The following TNNI3K variants were observed in gnomAD, a reference collection of about 807,000 sequenced individuals.
The protein encoded by TNNI3K is TNNI3 interacting kinase.
TNNI3K carries 140 observed loss-of-function variants against 114.5 expected under a neutral mutation model. That is an observed-to-expected ratio of 1.22 (90% CI 1.07 to 1.41). TNNI3K has a LOEUF of 1.41. Ranked by LOEUF, TNNI3K falls within the 40% of genes most tolerant of loss-of-function variation. TNNI3K has a pLI of 0.00. For synonymous variants in TNNI3K, 347 were observed against 347.5 expected (o/e 1.00, Z 0.02); for missense variants, 1,125 against 1,007.6 (o/e 1.12, Z -1.58).
chr1:74,493,625 G>T (rs187852053), intron 23 of TNNI3K, among the ~76,000 whole-genome samples: 156 of 152,192 alleles, frequency 1.0e-3, no homozygotes, highest in African/African-American at 3.5e-3. Flanking sequence ...TTTATTTCTT[G>T]CTCACTTGTT....
rs748225919 is a variant in TNNI3K at position 74,271,558 on chromosome 1, A to G, written c.334-40A>G. On this transcript the variant is annotated intron_variant, in intron 4 of 24. Transcript: ENST00000326637. ...CTGTTGCACAGCTTTTGAACCTGTT[A>G]TTAGCAGAAAAGTAACACTAAAGAT... 5.8e-6 allele frequency: 9 copies of G among 1,549,646 alleles called. No individual in the cohort carries two copies. In the South Asian group the frequency reaches 9.8e-5, roughly 17 times the overall value.
At chr1:74,446,403 T>C (rs1197663118) in intron 20 of TNNI3K, among the ~76,000 whole-genome samples, 1 of 151,000 alleles carries the variant, frequency 6.6e-6, no homozygotes, top group African/African-American at 2.5e-5. Context: ...TTTTTTCTTG[T>C]AAATTTGTTT....
intron 2 of TNNI3K, among the ~76,000 whole-genome samples, chr1:74,247,630 CAG>C: frequency 6.6e-6 from 1 of 152,240 alleles, no homozygotes; most frequent in Non-Finnish European, 1.5e-5. Context: ...GAGCTAGACA[CAG>C]AGTGCTGATT....
intron 17 of TNNI3K, among the ~76,000 whole-genome samples, chr1:74,382,177 T>G (rs1275350146): frequency 1.3e-5 from 2 of 152,214 alleles, no homozygotes; most frequent in Non-Finnish European, 2.9e-5. Flanking sequence ...CCTTTTTGAT[T>G]CCCAAGAGAC....
intron 17 of TNNI3K, among the ~76,000 whole-genome samples, chr1:74,426,541 T>C (rs1665649293): frequency 6.6e-6 from 1 of 152,048 alleles, no homozygotes; most frequent in Non-Finnish European, 1.5e-5. Flanking sequence ...ACAGGAAACT[T>C]GGCACACAAA....
intron 17 of TNNI3K, among the ~76,000 whole-genome samples, chr1:74,398,028 C>G (rs376941635): frequency 1.3e-5 from 2 of 152,190 alleles, no homozygotes; most frequent in Non-Finnish European, 2.9e-5. Flanking sequence ...TGGTTAAAAA[C>G]GTTTTAGAAA....
intron 5 of TNNI3K, among the ~76,000 whole-genome samples, chr1:74,311,573 A>G (rs1181090166): frequency 6.6e-6 from 1 of 152,216 alleles, no homozygotes; most frequent in African/African-American, 2.4e-5. Flanking sequence ...CTTTCTTCTC[A>G]GGATACATTC....
chr1:74,330,566 A>G (rs1300888777), intron 5 of TNNI3K, among the ~76,000 whole-genome samples: 7 of 152,160 alleles, frequency 4.6e-5, no homozygotes, highest in African/African-American at 1.4e-4. Context: ...TCTAACTACT[A>G]CTTGGAGTTA....
intron 17 of TNNI3K, among the ~76,000 whole-genome samples, chr1:74,413,067 G>A (rs1664963064): frequency 6.6e-6 from 1 of 152,118 alleles, no homozygotes; most frequent in Non-Finnish European, 1.5e-5. Context: ...GGTTAACAAT[G>A]CCACCTTCAT....
chr1:74,432,198 C>T (rs1665933369), intron 17 of TNNI3K, among the ~76,000 whole-genome samples: 1 of 152,136 alleles, frequency 6.6e-6, no homozygotes, highest in Non-Finnish European at 1.5e-5. Context: ...GCTAGCTCAA[C>T]TGCAGGTTTG....
At chr1:74,346,839 G>C (rs1288985356) in intron 9 of TNNI3K, among the ~76,000 whole-genome samples, 1 of 151,726 alleles carries the variant, frequency 6.6e-6, no homozygotes, top group Non-Finnish European at 1.5e-5. Context: ...TTGGCTTGCA[G>C]ATGGCTGCCT....
At chr1:74,335,034 C>T (rs1660395661) in intron 6 of TNNI3K, among the ~76,000 whole-genome samples, 1 of 152,186 alleles carries the variant, frequency 6.6e-6, no homozygotes, top group African/African-American at 2.4e-5. Context: ...CCCACATTAA[C>T]TCTGAAACAG....
At chr1:74,288,176 T>C (rs904697425) in intron 5 of TNNI3K, among the ~76,000 whole-genome samples, 2 of 152,132 alleles carry the variant, frequency 1.3e-5, no homozygotes, top group Non-Finnish European at 2.9e-5. Context: ...ATTCAAAATA[T>C]GACTACCATG....
chr1:74,236,163 C>A lies in TNNI3K; in HGVS notation c.102C>A (p.Asp34Glu). 2 of 1,608,030 alleles carry A rather than the reference C, an allele frequency of 1.2e-6. No homozygotes were observed. The highest frequency in any genetic ancestry group is 2.2e-5 in the South Asian group (2 of 90,772). ...YVITIERLED[D>E]LQIKEKELTE... ...TCACAATAGAAAGATTAGAAGATGA[C>A]CTGCAGATCAAGGAAAAAGAACTGA... Residue 34 changes from aspartate (D) to glutamate (E), a missense_variant, in exon 2 of 25, where the codon GAC becomes GAA. Physicochemically the swap from Asp to Glu is conservative, Grantham distance 45 (BLOSUM62 2). Coordinates refer to ENST00000326637, the MANE Select transcript of TNNI3K (RefSeq NM_015978.3).
chr1:74,449,661 C>T (rs1207928252), intron 20 of TNNI3K, among the ~76,000 whole-genome samples: 2 of 151,328 alleles, frequency 1.3e-5, no homozygotes, highest in Non-Finnish European at 2.9e-5. Flanking sequence ...ACAAAGAAGG[C>T]CATTACATAA....
intron 2 of TNNI3K, among the ~76,000 whole-genome samples, chr1:74,238,655 A>AT (rs917680703): frequency 2.0e-5 from 3 of 152,104 alleles, no homozygotes; most frequent in Non-Finnish European, 4.4e-5. Flanking sequence ...GATTTGAAGA[A>AT]TTTTGAGACT....
chr1:74,435,289 T>G (rs2100660853), intron 17 of TNNI3K, among the ~76,000 whole-genome samples: 1 of 152,182 alleles, frequency 6.6e-6, no homozygotes, highest in Middle Eastern at 3.4e-3. Context: ...TTTTCTGCCC[T>G]TATTGAGGTA....
chr1:74,372,352 C>T (rs1440012267), intron 17 of TNNI3K: 1 of 151,756 alleles, frequency 6.6e-6, no homozygotes, highest in Non-Finnish European at 1.5e-5. Flanking sequence ...ACAGCTCAGA[C>T]TGCCCTCAGC....
At chr1:74,436,028 G>T in intron 17 of TNNI3K, 52 bp from the exon 18 acceptor site, 1 of 1,581,106 alleles carries the variant, frequency 6.3e-7, no homozygotes, top group Non-Finnish European at 8.6e-7. Context: ...ATTAGATTAG[G>T]ACATAGCAAA....
Sources: gnomAD v4.1 joint callset for allele counts (sites outside exome capture counted in the v4.1 genomes callset) on GRCh38, gnomAD v4.1.1 for gene constraint, MANE v1.5 for transcripts, NCBI Gene and HGNC (gene_info 2026-07-23, HGNC 2026-07-21) for gene names.